OPCML: variants seen among roughly 807,000 people sequenced by gnomAD.
The protein encoded by OPCML is opioid binding protein/cell adhesion molecule like, also known as opioid-binding protein/cell adhesion molecule.
OPCML carries 13 observed loss-of-function variants against 37.8 expected under a neutral mutation model. The ratio of observed to expected loss-of-function variants is 0.34; its 90% CI spans 0.22 to 0.55. The LOEUF is 0.55. OPCML is among the 20% of genes least tolerant of loss of function. The probability of loss-of-function intolerance (pLI) is 0.91; values close to 1 mark genes in which losing one functional copy is unlikely to be tolerated. For synonymous variants in OPCML, 176 were observed against 168.8 expected (o/e 1.04, Z -0.33); for missense variants, 341 against 435.6 (o/e 0.78, Z 1.93).
At chr11:132,524,246 G>A (rs1357365973) in intron 4 of OPCML, among the ~76,000 whole-genome samples, 1 of 152,188 alleles carries the variant, frequency 6.6e-6, no homozygotes, top group Non-Finnish European at 1.5e-5. Context: ...GAACGGGAAA[G>A]GAAGTAATTC....
At chr11:133,158,570 G>A (rs1202849027) in intron 1 of OPCML, among the ~76,000 whole-genome samples, 3 of 151,560 alleles carry the variant, frequency 2.0e-5, no homozygotes, top group Non-Finnish European at 4.4e-5. Context: ...CATGGTGGCG[G>A]GCGCCTGTAG....
intron 1 of OPCML, among the ~76,000 whole-genome samples, chr11:133,389,358 C>T (rs1945120710): frequency 6.6e-6 from 1 of 152,194 alleles, no homozygotes; most frequent in Non-Finnish European, 1.5e-5. Flanking sequence ...GGAGAATACA[C>T]AGTCCTACCT....
At chr11:133,400,735 A>C (rs555445844) in intron 1 of OPCML, among the ~76,000 whole-genome samples, 3 of 152,324 alleles carry the variant, frequency 2.0e-5, no homozygotes, top group African/African-American at 7.2e-5. Context: ...TTCTCTGTTC[A>C]ATGCTCTTCC....
chr11:133,100,354 A>G (rs892065607), intron 1 of OPCML, among the ~76,000 whole-genome samples: 1 of 152,244 alleles, frequency 6.6e-6, no homozygotes, highest in African/African-American at 2.4e-5. Flanking sequence ...CTAAGACTCA[A>G]TATTATCAAG....
intron 1 of OPCML, among the ~76,000 whole-genome samples, chr11:133,319,883 ATT>A (rs2136617865): frequency 6.6e-6 from 1 of 152,324 alleles, no homozygotes; most frequent in African/African-American, 2.4e-5. Flanking sequence ...GGCCTAATTT[ATT>A]TGAGTAGTTC....
intron 1 of OPCML, among the ~76,000 whole-genome samples, chr11:133,461,713 G>A (rs1946863755): frequency 6.6e-6 from 1 of 151,768 alleles, no homozygotes; most frequent in African/African-American, 2.4e-5. Context: ...ACTACCCAGA[G>A]CAGTCTAAAG....
At chr11:133,324,401 T>C (rs973887162) in intron 1 of OPCML, among the ~76,000 whole-genome samples, 4 of 152,174 alleles carry the variant, frequency 2.6e-5, no homozygotes, top group African/African-American at 2.4e-5. Flanking sequence ...ATGCTGCCTC[T>C]GCTCAGCCCA....
rs562015731 is a variant in OPCML, at chr11:132,848,867, A to G, written c.146+94059T>C. ...CCTTTTTCACAGAGTAATTGTGAAAATCGTATTAGATCATGCCAATGGAAA... is the reference window on the plus strand; with the variant it reads ...CCTTTTTCACAGAGTAATTGTGAAAGTCGTATTAGATCATGCCAATGGAAA... On this transcript the variant is annotated intron_variant, in intron 2 of 7. Transcript: ENST00000524381. Among the ~76,000 whole-genome samples, 8 of 152,282 alleles carry G rather than the reference A, an allele frequency of 5.3e-5. No individual in the cohort carries two copies. In the East Asian group the frequency reaches 1.5e-3, roughly 29 times the overall value.
intron 7 of OPCML, among the ~76,000 whole-genome samples, chr11:132,427,156 GA>G (rs527499415): frequency 6.7e-5 from 10 of 150,276 alleles, no homozygotes; most frequent in Non-Finnish European, 1.0e-4. Context: ...AAAAAGAAAA[GA>G]AAAAAAAAGC....
intron 2 of OPCML, among the ~76,000 whole-genome samples, chr11:132,885,953 C>A (rs1943396209): frequency 6.6e-6 from 1 of 152,142 alleles, no homozygotes; most frequent in African/African-American, 2.4e-5. Flanking sequence ...CACACACACA[C>A]AAACACACAA....
intron 3 of OPCML, among the ~76,000 whole-genome samples, chr11:132,599,304 AAAG>A (rs904916457): frequency 3.3e-5 from 5 of 150,932 alleles, no homozygotes; most frequent in Non-Finnish European, 7.4e-5. Flanking sequence ...AAACTATGAA[AAAG>A]AAGAAGAAGG....
chr11:132,734,525 C>G (rs1307389849), intron 2 of OPCML, among the ~76,000 whole-genome samples: 1 of 152,192 alleles, frequency 6.6e-6, no homozygotes, highest in Non-Finnish European at 1.5e-5. Flanking sequence ...ACATTGGAAG[C>G]TGATCCTCCA....
Position 133,211,779 on chromosome 11 carries a change from C to A in OPCML, c.62-268769G>T, listed in dbSNP as rs1939370581. ...CACCATTATCACAACACGCTTTTCA[C>A]AATTTTTTTAAGTCTTACAACAATC... On this transcript the variant is annotated intron_variant, in intron 1 of 7. Coordinates refer to ENST00000524381, the MANE Select transcript of OPCML (RefSeq NM_001012393.5). This position sits in a 1 kb window ranked among gnomAD's most constrained non-coding sequence, Gnocchi z 4.1. Among the ~76,000 whole-genome samples the A allele has an allele frequency of 6.6e-6, 1 of 152,182 alleles. No homozygotes were observed. Among genetic ancestry groups the A allele is most frequent in the African/African-American group, 2.4e-5 (1 of 41,440 alleles).
At chr11:132,810,062 G>A (rs1320437127) in intron 2 of OPCML, among the ~76,000 whole-genome samples, 3 of 151,950 alleles carry the variant, frequency 2.0e-5, no homozygotes, top group Admixed American at 6.6e-5. Context: ...TGTTGGCCAG[G>A]ATGGACTCGA....
chr11:132,715,997 T>G (rs894091452), intron 2 of OPCML, among the ~76,000 whole-genome samples: 1 of 152,234 alleles, frequency 6.6e-6, no homozygotes, highest in Non-Finnish European at 1.5e-5. Context: ...GAAAAAAAAT[T>G]CGGTGCCAAT....
chr11:133,205,591 G>T lies in OPCML; in HGVS notation c.62-262581C>A, dbSNP rs1484433207. Among the ~76,000 whole-genome samples the T allele has an allele frequency of 1.3e-5, 2 of 152,220 alleles. No homozygotes were observed. Among genetic ancestry groups the T allele is most frequent in the Non-Finnish European group, 2.9e-5 (2 of 68,042 alleles). ...ACAGTGTCAGAATTGAATTGAATTGGAGAACGCCCAGTCCTCACGATCATT... is the reference window on the plus strand; with the variant it reads ...ACAGTGTCAGAATTGAATTGAATTGTAGAACGCCCAGTCCTCACGATCATT... On this transcript the variant is annotated intron_variant, in intron 1 of 7. Coordinates refer to ENST00000524381, the MANE Select transcript of OPCML (RefSeq NM_001012393.5). The surrounding 1 kb of genome is among the most constrained non-coding windows in gnomAD (Gnocchi z 4.8).
intron 7 of OPCML, among the ~76,000 whole-genome samples, chr11:132,425,011 G>A (rs1428786333): frequency 6.6e-6 from 1 of 152,172 alleles, no homozygotes; most frequent in Non-Finnish European, 1.5e-5. Flanking sequence ...CAGGGCACTG[G>A]GAGCCAGCCA....
chr11:132,841,475 C>G (rs2035511023), intron 2 of OPCML, among the ~76,000 whole-genome samples: 1 of 152,126 alleles, frequency 6.6e-6, no homozygotes, highest in South Asian at 2.1e-4. Context: ...TTGTAACTGT[C>G]AATCAAAACA....
chr11:133,308,409 G>A (rs1295525989), intron 1 of OPCML, among the ~76,000 whole-genome samples: 2 of 152,132 alleles, frequency 1.3e-5, no homozygotes, highest in Admixed American at 6.5e-5. Flanking sequence ...ATCAATGCCA[G>A]ATTTCTTACT....
Sources: gnomAD v4.1 joint callset for allele counts (sites outside exome capture counted in the v4.1 genomes callset) on GRCh38, gnomAD v4.1.1 for gene constraint, Gnocchi (gnomAD v3.1) non-coding constraint, MANE v1.5 for transcripts, NCBI Gene and HGNC (gene_info 2026-07-23, HGNC 2026-07-21) for gene names.